ADIPOR2: variants seen among roughly 807,000 people sequenced by gnomAD.
ADIPOR2 encodes the protein adiponectin receptor protein 2.
Under a neutral mutation model 40.9 loss-of-function variants are expected in ADIPOR2, and 18 were observed. The observed-to-expected ratio is 0.44, with a 90% CI of 0.30 to 0.65. The LOEUF is 0.65. Ranked by LOEUF, ADIPOR2 falls within the 30% of genes least tolerant of loss-of-function variation. The pLI is 0.09. For synonymous variants in ADIPOR2, 165 were observed against 166.4 expected (o/e 0.99, Z 0.06); for missense variants, 283 against 479.2 (o/e 0.59, Z 3.82).
chr12:1,714,317 A>C (rs1488159037), intron 1 of ADIPOR2, among the ~76,000 whole-genome samples: 1 of 151,776 alleles, frequency 6.6e-6, no homozygotes, highest in Admixed American at 6.6e-5. Context: ...CTCGATCCCT[A>C]CTGTAGAACA....
intron 1 of ADIPOR2, among the ~76,000 whole-genome samples, chr12:1,733,423 G>A (rs762325120): frequency 1.3e-5 from 2 of 152,100 alleles, no homozygotes; most frequent in Non-Finnish European, 2.9e-5. Flanking sequence ...GGATATAACC[G>A]TGAGAGCAGT....
At chr12:1,708,568 C>T (rs2094668626) in intron 1 of ADIPOR2, among the ~76,000 whole-genome samples, 1 of 152,174 alleles carries the variant, frequency 6.6e-6, no homozygotes, top group Non-Finnish European at 1.5e-5. Flanking sequence ...GGTAAAAGTT[C>T]AGGTTCTCCT....
intron 1 of ADIPOR2, among the ~76,000 whole-genome samples, chr12:1,748,269 G>T (rs1326899369): frequency 6.6e-6 from 1 of 151,726 alleles, no homozygotes; most frequent in African/African-American, 2.4e-5. Flanking sequence ...TTTTTTTAGA[G>T]ACGGAGTCTC....
intron 1 of ADIPOR2, among the ~76,000 whole-genome samples, chr12:1,737,385 T>G (rs1403827029): frequency 6.6e-6 from 1 of 152,218 alleles, no homozygotes. Flanking sequence ...AAATACATGT[T>G]AATTATCAGG....
At chr12:1,775,783 C>T (rs1862578833) in intron 3 of ADIPOR2, among the ~76,000 whole-genome samples, 1 of 152,176 alleles carries the variant, frequency 6.6e-6, no homozygotes, top group African/African-American at 2.4e-5. Flanking sequence ...CTCTCTCTGA[C>T]ACTAAAAGAA....
intron 2 of ADIPOR2, among the ~76,000 whole-genome samples, chr12:1,765,768 T>G (rs1862364481): frequency 6.6e-6 from 1 of 152,184 alleles, no homozygotes; most frequent in Non-Finnish European, 1.5e-5. Context: ...AAATGAGAAG[T>G]GCTTTCTTCT....
intron 6 of ADIPOR2, among the ~76,000 whole-genome samples, chr12:1,782,064 A>C (rs548239535): frequency 6.6e-6 from 1 of 152,372 alleles, no homozygotes; most frequent in African/African-American, 2.4e-5. Flanking sequence ...TTTGACTTAG[A>C]GAATGATAGG....
At position 1,775,937 on chromosome 12, in the gene ADIPOR2, A is replaced by G. The variant is rs193032873; in HGVS notation, c.292-1917A>G. 1.4e-4 allele frequency among the ~76,000 whole-genome samples: 21 copies of G among 152,314 alleles called. No individual in the cohort carries two copies. The East Asian group carries it at 4.0e-3, about 29-fold the overall frequency. ...TAAGTGGTAGTACTATTAGCAGCAG[A>G]TGTTAAAAATATAGATTAGTCTTTT... On this transcript the variant is annotated intron_variant, in intron 3 of 7. Coordinates refer to ENST00000357103, the MANE Select transcript of ADIPOR2 (RefSeq NM_024551.3).
At chr12:1,698,564 A>T (rs1026508595) in intron 1 of ADIPOR2, among the ~76,000 whole-genome samples, 2 of 152,134 alleles carry the variant, frequency 1.3e-5, no homozygotes, top group African/African-American at 4.8e-5. Context: ...GGCTTACTTT[A>T]CATCTGCATC....
intron 1 of ADIPOR2, among the ~76,000 whole-genome samples, chr12:1,719,054 T>C (rs2094692933): frequency 6.6e-6 from 1 of 152,240 alleles, no homozygotes; most frequent in Non-Finnish European, 1.5e-5. Flanking sequence ...GTTAAAAATC[T>C]AGGTGTTGCT....
chr12:1,779,307 T>C (rs1480216138), intron 4 of ADIPOR2, among the ~76,000 whole-genome samples: 1 of 152,162 alleles, frequency 6.6e-6, no homozygotes, highest in East Asian at 1.9e-4. Context: ...CAAAATATGG[T>C]GTATTCATAC....
At chr12:1,708,871 C>A (rs923950073) in intron 1 of ADIPOR2, among the ~76,000 whole-genome samples, 1 of 152,056 alleles carries the variant, frequency 6.6e-6, no homozygotes, top group Non-Finnish European at 1.5e-5. Context: ...AGGTGTGCAC[C>A]ACCACGCCCG....
intron 1 of ADIPOR2, among the ~76,000 whole-genome samples, chr12:1,726,407 A>C (rs1288594981): frequency 1.3e-5 from 2 of 152,148 alleles, no homozygotes; most frequent in Non-Finnish European, 2.9e-5. Flanking sequence ...CATCTTGGCC[A>C]GGCTAGTCTC....
chr12:1,725,532 A>C (rs1286376152), intron 1 of ADIPOR2, among the ~76,000 whole-genome samples: 3 of 152,354 alleles, frequency 2.0e-5, no homozygotes, highest in South Asian at 2.1e-4. Flanking sequence ...ATTTATTTAT[A>C]GTCTATATGT....
chr12:1,752,923 G>A (rs929434), intron 1 of ADIPOR2, among the ~76,000 whole-genome samples: 47,525 of 152,042 alleles, frequency 0.31, 8,174 homozygotes, highest in East Asian at 0.49. Flanking sequence ...AGTATCATGT[G>A]CTTGGCCCAG....
chr12:1,693,700 ATTTT>A (rs946482482), intron 1 of ADIPOR2, among the ~76,000 whole-genome samples: 30 of 147,550 alleles, frequency 2.0e-4, no homozygotes, highest in Non-Finnish European at 4.1e-4. Flanking sequence ...AGCCCGGCCA[ATTTT>A]TTTTTTGTAT....
intron 1 of ADIPOR2, chr12:1,696,483 C>T (rs1159458704): frequency 2.0e-5 from 3 of 151,782 alleles, no homozygotes; most frequent in African/African-American, 7.3e-5. Flanking sequence ...GCAACCTCCG[C>T]TTCATGGGCT....
chr12:1,704,410 C>A (rs575204406), intron 1 of ADIPOR2, among the ~76,000 whole-genome samples: 21 of 152,254 alleles, frequency 1.4e-4, no homozygotes, highest in African/African-American at 4.6e-4. Context: ...CACTTTCTTT[C>A]TTCTCTAATA....
Position 1,754,270 on chromosome 12 carries a change from AT to A in ADIPOR2, c.-73del, listed in dbSNP as rs1862064795. 2 of 1,401,712 alleles carry A rather than the reference AT, an allele frequency of 1.4e-6. No homozygotes were observed. Among genetic ancestry groups the A allele is most frequent in the African/African-American group, 1.5e-5 (1 of 68,530 alleles). 86.8% of individuals were successfully genotyped at this position (1,401,712 alleles called of 1,614,324 possible). ...TTCATCTTCTTAGGATCAACTCACT[AT>A]CCTGAAGGTCCATTCTCCCAAGAAG... On this transcript the variant is annotated 5_prime_UTR_variant, in exon 2 of 8. Transcript: ENST00000357103.
Sources: allele counts gnomAD v4.1 joint callset (sites outside exome capture counted in the v4.1 genomes callset), GRCh38; gene constraint gnomAD v4.1.1; transcripts MANE v1.5; gene names NCBI Gene and HGNC (gene_info 2026-07-23, HGNC 2026-07-21).